PEPD: variants seen among roughly 807,000 people sequenced by gnomAD.
The protein encoded by PEPD is xaa-Pro dipeptidase.
Under a neutral mutation model 60.7 loss-of-function variants are expected in PEPD, and 53 were observed. The observed-to-expected ratio is 0.87, with a 90% CI of 0.70 to 1.10. The LOEUF is 1.10. Among genes scored for constraint, PEPD ranks in the 50% least tolerant of loss-of-function variants. The probability of loss-of-function intolerance (pLI) is 0.00; values close to 1 mark genes in which losing one functional copy is unlikely to be tolerated. For missense variants in PEPD, 711 were observed against 711.9 expected (o/e 1.00, Z 0.01); for synonymous variants, 267 against 284.1 (o/e 0.94, Z 0.60).
chr19:33,416,886 G>A (rs1379575181), intron 9 of PEPD, among the ~76,000 whole-genome samples: 1 of 152,236 alleles, frequency 6.6e-6, no homozygotes, highest in African/African-American at 2.4e-5. Flanking sequence ...AGGCACATCT[G>A]TCAGTGCCAG....
rs867077739 is a variant in PEPD at position 33,455,678 on chromosome 19, A to T, written c.671+7317T>A. Reference sequence around the variant, plus strand: ...TCACCACACTCAGCTAATTAAAAACATTTTTTTTTTTTTTTTGTAGAGGCA... The same window carrying T: ...TCACCACACTCAGCTAATTAAAAACTTTTTTTTTTTTTTTTTGTAGAGGCA... On this transcript the variant is annotated intron_variant, in intron 9 of 14. Transcript: ENST00000244137. 1.0e-3 allele frequency among the ~76,000 whole-genome samples: 139 copies of T among 134,654 alleles called. 1 individual carries two copies. Among genetic ancestry groups the T allele is most frequent in the African/African-American group, 3.2e-3 (112 of 35,286 alleles). The allele number at this position is 134,654 out of a possible 152,430, so 88.3% of individuals were successfully genotyped here.
intron 6 of PEPD, among the ~76,000 whole-genome samples, chr19:33,480,891 G>C (rs1007900285): frequency 6.6e-6 from 1 of 151,720 alleles, no homozygotes. Context: ...AATAGCAGCA[G>C]AACAGCCATT....
chr19:33,516,405 C>T (rs191107287), intron 1 of PEPD, among the ~76,000 whole-genome samples: 134 of 152,094 alleles, frequency 8.8e-4, no homozygotes, highest in African/African-American at 3.1e-3. Context: ...GGCACAAGAG[C>T]TCCAGGGCCT....
At chr19:33,496,680 C>T (rs1970610386) in intron 4 of PEPD, among the ~76,000 whole-genome samples, 1 of 132,906 alleles carries the variant, frequency 7.5e-6, no homozygotes, top group Admixed American at 7.0e-5. Context: ...GGACCTCTCA[C>T]ACCCTGCGCT....
chr19:33,425,088 G>A (rs1045556448), intron 9 of PEPD, among the ~76,000 whole-genome samples: 1 of 152,138 alleles, frequency 6.6e-6, no homozygotes, highest in Non-Finnish European at 1.5e-5. Flanking sequence ...AATTGCCAGA[G>A]GCCAGGTGCA....
At chr19:33,394,126 C>T (rs1968307752) in intron 12 of PEPD, among the ~76,000 whole-genome samples, 1 of 152,222 alleles carries the variant, frequency 6.6e-6, no homozygotes, top group Non-Finnish European at 1.5e-5. Flanking sequence ...CCTCAGGTCT[C>T]CCAACAGCCT....
intron 6 of PEPD, among the ~76,000 whole-genome samples, chr19:33,485,952 G>T (rs915240450): frequency 1.3e-5 from 2 of 152,092 alleles, no homozygotes; most frequent in African/African-American, 4.8e-5. Context: ...CTTGTGCCAA[G>T]AAGGCACCCT....
intron 1 of PEPD, among the ~76,000 whole-genome samples, chr19:33,513,639 CA>C (rs1211499893): frequency 1.3e-5 from 2 of 152,182 alleles, no homozygotes; most frequent in African/African-American, 4.8e-5. Flanking sequence ...AGGGCCCTTT[CA>C]AAATGCCAAT....
intron 9 of PEPD, among the ~76,000 whole-genome samples, chr19:33,417,398 AG>A (rs1275942520): frequency 6.6e-6 from 1 of 152,148 alleles, no homozygotes; most frequent in Admixed American, 6.5e-5. Flanking sequence ...TACAAACCTG[AG>A]GTGGGGAGGG....
intron 13 of PEPD, among the ~76,000 whole-genome samples, chr19:33,389,401 G>A (rs895309792): frequency 2.0e-5 from 3 of 152,322 alleles, no homozygotes; most frequent in East Asian, 3.9e-4. Context: ...CATGTGGACC[G>A]AGCTGGGGCC....
intron 9 of PEPD, among the ~76,000 whole-genome samples, chr19:33,461,307 A>T (rs1264551528): frequency 1.1e-4 from 15 of 136,672 alleles, no homozygotes; most frequent in African/African-American, 3.3e-4. Context: ...TTTCCTGTTT[A>T]AAAAAAAAAA....
chr19:33,490,552 CTCTT>C (rs949837034), intron 5 of PEPD, among the ~76,000 whole-genome samples: 4 of 152,244 alleles, frequency 2.6e-5, no homozygotes, highest in African/African-American at 7.2e-5. Flanking sequence ...AGACATCCCT[CTCTT>C]AACTCCAAGG....
intron 1 of PEPD, among the ~76,000 whole-genome samples, chr19:33,518,975 G>A (rs1436410277): frequency 6.6e-6 from 1 of 152,200 alleles, no homozygotes; most frequent in African/African-American, 2.4e-5. Flanking sequence ...ACATTCCAGG[G>A]CTAGTTGGGT....
In PEPD at chr19:33,394,396, G is replaced by A. The variant is rs571991372; in HGVS notation, c.968-2917C>T. ...AGGCCCGGCGCCGCCCAGATGTGCC[G>A]GCCCGGGGGTCCCCTTGGCGCCGCT... On this transcript the variant is annotated intron_variant, in intron 12 of 14. Transcript: ENST00000244137. Among the ~76,000 whole-genome samples the A allele has an allele frequency of 3.9e-5, 6 of 152,360 alleles. No individual in the cohort carries two copies. The East Asian group carries it at 5.8e-4, about 15-fold the overall frequency.
At chr19:33,396,175 T>C (rs1157440813) in intron 12 of PEPD, 2 of 152,298 alleles carry the variant, frequency 1.3e-5, no homozygotes, top group African/African-American at 4.8e-5. Flanking sequence ...AGGGTATCTA[T>C]GACTGGGGTG....
At chr19:33,443,553 G>A (rs941579815) in intron 9 of PEPD, among the ~76,000 whole-genome samples, 5 of 152,040 alleles carry the variant, frequency 3.3e-5, no homozygotes, top group Non-Finnish European at 5.9e-5. Flanking sequence ...AATACCATGT[G>A]CCATGATAAA....
At chr19:33,482,026 C>G (rs1019951277) in intron 6 of PEPD, among the ~76,000 whole-genome samples, 1 of 148,848 alleles carries the variant, frequency 6.7e-6, no homozygotes, top group Non-Finnish European at 1.5e-5. Context: ...TCAAAACAAA[C>G]AAATAAACAA....
At chr19:33,499,864 C>G (rs891259927) in intron 4 of PEPD, among the ~76,000 whole-genome samples, 1 of 152,218 alleles carries the variant, frequency 6.6e-6, no homozygotes, top group Non-Finnish European at 1.5e-5. Context: ...GCTGGGCCCC[C>G]ACATGCTGGG....
chr19:33,420,471 G>A (rs1163321962), intron 9 of PEPD, among the ~76,000 whole-genome samples: 2 of 152,148 alleles, frequency 1.3e-5, no homozygotes, highest in East Asian at 1.9e-4. Flanking sequence ...GGGAGGCCAA[G>A]GTGCGTGAAT....
Sources: gnomAD v4.1 joint callset for allele counts (sites outside exome capture counted in the v4.1 genomes callset) on GRCh38, gnomAD v4.1.1 for gene constraint, MANE v1.5 for transcripts, NCBI Gene and HGNC (gene_info 2026-07-23, HGNC 2026-07-21) for gene names.